The following GALNT5 variants were observed in gnomAD, a reference collection of about 807,000 sequenced individuals.
GALNT5 encodes UDP-GalNAc:polypeptide N-acetylgalactosaminyltransferase 5.
In GALNT5, 72 loss-of-function variants were observed where a neutral mutation model predicts 85.4. The ratio of observed to expected loss-of-function variants is 0.84; its 90% CI spans 0.70 to 1.03. The LOEUF (loss-of-function observed/expected upper bound fraction) is 1.03. Among genes scored for constraint, GALNT5 ranks in the 50% least tolerant of loss-of-function variants. GALNT5 has a pLI of 0.00. For synonymous variants in GALNT5, 404 were observed against 397.0 expected, an observed-to-expected ratio of 1.02 and a Z score of -0.21; for missense variants, 1,137 against 1,135.5, an observed-to-expected ratio of 1.00 and a Z score of -0.02.
intron 1 of GALNT5, among the ~76,000 whole-genome samples, chr2:157,276,997 G>A (rs1417888242): frequency 6.6e-6 from 1 of 152,028 alleles, no homozygotes; most frequent in Non-Finnish European, 1.5e-5. Context: ...CTTTAAATGT[G>A]TCCCAGAGAT....
At chr2:157,294,604 G>C (rs1397210445) in intron 3 of GALNT5, among the ~76,000 whole-genome samples, 1 of 152,106 alleles carries the variant, frequency 6.6e-6, no homozygotes, top group Non-Finnish European at 1.5e-5. Flanking sequence ...ACTCCCTTTA[G>C]AGACTTCAAC....
intron 1 of GALNT5, among the ~76,000 whole-genome samples, chr2:157,262,384 C>G (rs1044677601): frequency 6.6e-6 from 1 of 152,090 alleles, no homozygotes; most frequent in Admixed American, 6.5e-5. Flanking sequence ...AGCCTGTAAT[C>G]TCAGCACTTT....
chr2:157,291,405 T>C (rs1332495371), intron 3 of GALNT5, among the ~76,000 whole-genome samples: 4 of 152,214 alleles, frequency 2.6e-5, no homozygotes, highest in East Asian at 3.8e-4. Context: ...TTTTATAACT[T>C]GTATCTGCTG....
At chr2:157,309,877 A>G (rs7596662) in intron 9 of GALNT5, among the ~76,000 whole-genome samples, 34,652 of 152,072 alleles carry the variant, frequency 0.23, 8,418 homozygotes, top group African/African-American at 0.6. Flanking sequence ...CATATATGCC[A>G]CTAATTTTAT....
In GALNT5 at chr2:157,296,460, A is replaced by C. The variant is rs1683216057; in HGVS notation, c.1944A>C (p.Thr648=). 1.2e-6 allele frequency: 2 copies of C among 1,607,874 alleles called. No individual in the cohort carries two copies. The highest frequency in any genetic ancestry group is 2.2e-5 in the East Asian group (1 of 44,794). Residue 648 remains threonine (T), a synonymous_variant, in exon 5 of 10, where the codon ACA becomes ACC. Transcript: ENST00000259056. ...GGCCCATGAACTTTGGTTGGAGAAC[A>C]ATTCCTCCAGATGTCATTGCAAAAA... The part of the protein sequence containing the change: ...FVWPMNFGWR[T]IPPDVIAKNR...
chr2:157,297,691 G>GGC (rs1683244446), intron 5 of GALNT5, among the ~76,000 whole-genome samples: 1 of 152,178 alleles, frequency 6.6e-6, no homozygotes, highest in Admixed American at 6.5e-5. Flanking sequence ...CATAAATGGT[G>GGC]GCGGAGGGGA....
intron 1 of GALNT5, among the ~76,000 whole-genome samples, chr2:157,263,119 A>G (rs899320273): frequency 2.6e-5 from 4 of 151,516 alleles, no homozygotes; most frequent in East Asian, 3.9e-4. Flanking sequence ...GAGCCACCGC[A>G]TCCGGCCCAC....
intron 3 of GALNT5, 123 bp from the exon 4 acceptor site, chr2:157,295,534 GAAAAAA>G: frequency 6.1e-6 from 3 of 494,242 alleles, no homozygotes; most frequent in Non-Finnish European, 7.0e-6. Context: ...CACGAATTCA[GAAAAAA>G]AAAAAAAGGT....
intron 7 of GALNT5, among the ~76,000 whole-genome samples, chr2:157,303,994 C>T (rs1380039114): frequency 6.6e-6 from 1 of 152,172 alleles, no homozygotes; most frequent in Non-Finnish European, 1.5e-5. Flanking sequence ...AGTAGAACCA[C>T]CTGTTCGGCT....
In GALNT5 at chr2:157,309,159, A is replaced by G. The variant is rs554791712; in HGVS notation, c.2682+431A>G. Among the ~76,000 whole-genome samples the G allele has an allele frequency of 1.1e-4, 16 of 152,284 alleles. No individual in the cohort carries two copies. The East Asian group carries it at 3.1e-3, about 29-fold the overall frequency. On this transcript the variant is annotated intron_variant, in intron 9 of 9. Transcript: ENST00000259056. ...TGGTTCCTCATTCTGCCCCCTTTCC[A>G]TAAGAGACTCTTCCCATCCCCTGTG...
At chr2:157,283,886 G>T (rs1055246455) in intron 1 of GALNT5, among the ~76,000 whole-genome samples, 4 of 152,184 alleles carry the variant, frequency 2.6e-5, no homozygotes, top group Non-Finnish European at 4.4e-5. Flanking sequence ...GAGGCACAGA[G>T]AAGTTAAAGA....
chr2:157,270,586 T>C (rs1305336685), intron 1 of GALNT5, among the ~76,000 whole-genome samples: 1 of 152,234 alleles, frequency 6.6e-6, no homozygotes, highest in Non-Finnish European at 1.5e-5. Context: ...GAAATATTTC[T>C]TCCACTATTT....
rs1362508263 is a variant in GALNT5, at chr2:157,315,815, A to G, written c.*4467A>G. Among the ~76,000 whole-genome samples the G allele has an allele frequency of 6.6e-6, 1 of 152,220 alleles. No homozygotes were observed. Among genetic ancestry groups the G allele is most frequent in the Non-Finnish European group, 1.5e-5 (1 of 68,022 alleles). On this transcript the variant is annotated 3_prime_UTR_variant, in exon 10 of 10. Coordinates refer to ENST00000259056, the MANE Select transcript of GALNT5 (RefSeq NM_014568.3). ...ATTGTCTGATGCCAAGAAAGAATTC[A>G]GGACACAGACACACATGAGGAGTGG...
At chr2:157,304,524 C>T (rs1683412273) in intron 7 of GALNT5, among the ~76,000 whole-genome samples, 1 of 152,142 alleles carries the variant, frequency 6.6e-6, no homozygotes, top group Non-Finnish European at 1.5e-5. Context: ...AGGGACAATC[C>T]AGCTTCCTTG....
chr2:157,287,174 G>C lies in GALNT5; in HGVS notation c.1741+1040G>C, dbSNP rs1574024733. On this transcript the variant is annotated intron_variant, in intron 3 of 9. Transcript: ENST00000259056. ...TGTTGACAGCTAAACCTTTACTTTG[G>C]GATTAAGAAGTAATTTGTGGAATGA... 2.0e-5 allele frequency among the ~76,000 whole-genome samples: 3 copies of C among 152,050 alleles called. No individual in the cohort carries two copies. The East Asian group carries it at 5.8e-4, about 29-fold the overall frequency.
At chr2:157,285,770 ACAT>A (rs892163772) in intron 2 of GALNT5, among the ~76,000 whole-genome samples, 15 of 152,198 alleles carry the variant, frequency 9.9e-5, no homozygotes, top group African/African-American at 3.6e-4. Context: ...GCCCTCCACT[ACAT>A]CACCTTACAA....
chr2:157,270,732 A>G (rs982365723), intron 1 of GALNT5, among the ~76,000 whole-genome samples: 1 of 152,188 alleles, frequency 6.6e-6, no homozygotes, highest in African/African-American at 2.4e-5. Context: ...CCCTCAGAAA[A>G]TTTTGGATGC....
chr2:157,279,360 G>C (rs183964468), intron 1 of GALNT5, among the ~76,000 whole-genome samples: 1 of 152,222 alleles, frequency 6.6e-6, no homozygotes, highest in Admixed American at 6.5e-5. Flanking sequence ...TTTTCAGAGC[G>C]GTCAGACAGG....
chr2:157,285,180 A>G (rs1277837571), intron 2 of GALNT5, among the ~76,000 whole-genome samples: 1 of 152,236 alleles, frequency 6.6e-6, no homozygotes, highest in Admixed American at 6.5e-5. Context: ...CAACATGGGA[A>G]GTTTCTTTAG....
Sources: gnomAD v4.1 joint callset for allele counts (sites outside exome capture counted in the v4.1 genomes callset) on GRCh38, gnomAD v4.1.1 for gene constraint, MANE v1.5 for transcripts, NCBI Gene and HGNC (gene_info 2026-07-23, HGNC 2026-07-21) for gene names.